Variants in SPATS2L observed in about 807,000 individuals in gnomAD.
SPATS2L encodes the protein spermatogenesis associated serine rich 2 like.
A neutral mutation model predicts 59.6 loss-of-function variants in SPATS2L; 30 were observed. That is an observed-to-expected ratio of 0.50 (90% confidence interval 0.38 to 0.68). The LOEUF (loss-of-function observed/expected upper bound fraction) is 0.68. Ranked by LOEUF, SPATS2L falls within the 30% of genes least tolerant of loss-of-function variation. The pLI, the probability that SPATS2L is intolerant of heterozygous loss-of-function variation, is 0.00. For synonymous variants in SPATS2L, 252 were observed against 263.5 expected (o/e 0.96, Z 0.42); for missense variants, 615 against 700.0 (o/e 0.88, Z 1.37).
chr2:200,362,059 A>G (rs2081125169), intron 2 of SPATS2L, among the ~76,000 whole-genome samples: 1 of 152,076 alleles, frequency 6.6e-6, no homozygotes, highest in African/African-American at 2.4e-5. Flanking sequence ...GGGCAACACA[A>G]CCAGACCCTG....
At chr2:200,407,012 T>C (rs2082709619) in intron 3 of SPATS2L, among the ~76,000 whole-genome samples, 1 of 152,088 alleles carries the variant, frequency 6.6e-6, no homozygotes, top group African/African-American at 2.4e-5. Context: ...CAAGGTAGTC[T>C]CCCCCAAATA....
chr2:200,369,750 C>T (rs1235848247), intron 2 of SPATS2L, among the ~76,000 whole-genome samples: 2 of 151,976 alleles, frequency 1.3e-5, no homozygotes. Flanking sequence ...AGACTGGAAT[C>T]CTAGTGATGT....
chr2:200,396,033 A>ATATATATAT (rs1172186726), intron 3 of SPATS2L, among the ~76,000 whole-genome samples: 1 of 21,150 alleles, frequency 4.7e-5, no homozygotes, highest in Non-Finnish European at 9.0e-5. Flanking sequence ...AAAAAAAAAA[A>ATATATATAT]ATATATATAT....
intron 2 of SPATS2L, among the ~76,000 whole-genome samples, chr2:200,360,893 G>A (rs569767521): frequency 7.1e-6 from 1 of 141,474 alleles, no homozygotes; most frequent in Admixed American, 6.7e-5. Flanking sequence ...GCCATTGTAC[G>A]ACCCCCCGCC....
chr2:200,474,342 G>GTTCTTTTTTTT (rs1483085857), intron 12 of SPATS2L, among the ~76,000 whole-genome samples: 2 of 151,364 alleles, frequency 1.3e-5, no homozygotes, highest in African/African-American at 4.9e-5. Flanking sequence ...CACAGTTTTT[G>GTTCTTTTTTTT]TTCTTTTTTT....
chr2:200,348,583 A>G (rs1036390314), intron 2 of SPATS2L, among the ~76,000 whole-genome samples: 12 of 152,136 alleles, frequency 7.9e-5, no homozygotes, highest in Non-Finnish European at 1.6e-4. Flanking sequence ...GGCTAGGTGG[A>G]GGTGAGGCAG....
intron 3 of SPATS2L, among the ~76,000 whole-genome samples, chr2:200,399,737 G>T (rs2105953084): frequency 6.6e-6 from 1 of 152,270 alleles, no homozygotes; most frequent in East Asian, 1.9e-4. Flanking sequence ...CCCTCAAAGA[G>T]AGAGAGTGTG....
At chr2:200,437,002 T>A (rs1344958847) in intron 6 of SPATS2L, among the ~76,000 whole-genome samples, 1 of 152,174 alleles carries the variant, frequency 6.6e-6, no homozygotes, top group African/African-American at 2.4e-5. Flanking sequence ...CCCCTCACTC[T>A]CTTGCTCCCA....
rs140505843 is a variant in SPATS2L at position 200,469,092 on chromosome 2, C to A, written c.958-822C>A. ...AAAACAGAGGTAATAATACTGACTT[C>A]ATAATACTGTGATCAGATGAAATGA... On this transcript the variant is annotated intron_variant, in intron 10 of 12. Transcript: ENST00000409140. 5.9e-3 allele frequency among the ~76,000 whole-genome samples: 903 copies of A among 152,322 alleles called. 11 individuals carry two copies. Among genetic ancestry groups the A allele is most frequent in the African/African-American group, 0.021 (857 of 41,568 alleles).
intron 1 of SPATS2L, among the ~76,000 whole-genome samples, chr2:200,312,685 G>A (rs16832951): frequency 2.2e-3 from 334 of 152,334 alleles, no homozygotes; most frequent in African/African-American, 7.7e-3. Context: ...TGAGTAGCTA[G>A]TAATTTGTAG....
At chr2:200,472,550 AG>A (rs2087135256) in intron 11 of SPATS2L, among the ~76,000 whole-genome samples, 2 of 152,216 alleles carry the variant, frequency 1.3e-5, no homozygotes, top group Non-Finnish European at 2.9e-5. Flanking sequence ...CTTGACCTAA[AG>A]AATAATATTT....
chr2:200,476,265 AT>A (rs1166119806), intron 12 of SPATS2L, among the ~76,000 whole-genome samples: 1 of 152,226 alleles, frequency 6.6e-6, no homozygotes, highest in Non-Finnish European at 1.5e-5. Flanking sequence ...TAGAAAAACA[AT>A]GAATTACCTC....
chr2:200,356,986 C>G (rs1215535280), intron 2 of SPATS2L, among the ~76,000 whole-genome samples: 2 of 152,164 alleles, frequency 1.3e-5, no homozygotes, highest in Non-Finnish European at 2.9e-5. Flanking sequence ...TCACTCCCCC[C>G]AGCACTGCTG....
intron 1 of SPATS2L, among the ~76,000 whole-genome samples, chr2:200,327,730 C>T (rs569668868): frequency 6.6e-6 from 1 of 152,314 alleles, no homozygotes; most frequent in African/African-American, 2.4e-5. Flanking sequence ...GTATTACACT[C>T]ACTAAATTAT....
intron 6 of SPATS2L, among the ~76,000 whole-genome samples, chr2:200,433,058 A>G (rs2084044620): frequency 6.6e-6 from 1 of 152,176 alleles, no homozygotes; most frequent in South Asian, 2.1e-4. Context: ...AGTTTATCCA[A>G]ATTTGATGAA....
chr2:200,370,173 A>G (rs1400750692), intron 2 of SPATS2L, among the ~76,000 whole-genome samples: 4 of 152,254 alleles, frequency 2.6e-5, no homozygotes, highest in Non-Finnish European at 5.9e-5. Context: ...TGACAAAAAG[A>G]GAAAACATAA....
chr2:200,443,832 C>T (rs1167648084), intron 8 of SPATS2L, among the ~76,000 whole-genome samples: 1 of 152,204 alleles, frequency 6.6e-6, no homozygotes, highest in Non-Finnish European at 1.5e-5. Flanking sequence ...AGCAAGCACA[C>T]ATCAAGGTAA....
intron 2 of SPATS2L, among the ~76,000 whole-genome samples, chr2:200,337,917 A>G (rs1260509941): frequency 6.6e-6 from 1 of 152,208 alleles, no homozygotes; most frequent in Non-Finnish European, 1.5e-5. Context: ...TACATAAGAC[A>G]TACTCAATTA....
chr2:200,439,273 C>T lies in SPATS2L; in HGVS notation c.597C>T (p.Ser199=), dbSNP rs1438834810. The stretch of plus-strand genomic sequence containing the variant: ...AGGCAAAAACATCTCCTGTTAAGTC[C>T]AATACCCCTGCAGCTCATCTTGAAA... ...KPKAKTSPVK[S]NTPAAHLEIK... The change falls in exon 7 of 13, where the codon TCC becomes TCT. Residue 199 remains serine (S), a synonymous_variant. Coordinates refer to ENST00000409140, the MANE Select transcript of SPATS2L (RefSeq NM_001100423.2). The T allele has an allele frequency of 1.2e-6, 2 of 1,613,664 alleles. No homozygotes were observed. Among genetic ancestry groups the T allele is most frequent in the East Asian group, 4.5e-5 (2 of 44,862 alleles).
Sources: gnomAD v4.1 joint callset for allele counts (sites outside exome capture counted in the v4.1 genomes callset) on GRCh38, gnomAD v4.1.1 for gene constraint, MANE v1.5 for transcripts, NCBI Gene and HGNC (gene_info 2026-07-23, HGNC 2026-07-21) for gene names.